The following TAF5L variants were observed in gnomAD, a reference collection of about 807,000 sequenced individuals.
TAF5L encodes TAF5-like RNA polymerase II p300/CBP-associated factor-associated factor 65 kDa subunit 5L.
A neutral mutation model predicts 51.3 loss-of-function variants in TAF5L; 7 were observed. The ratio of observed to expected loss-of-function variants is 0.14; its 90% CI spans 0.08 to 0.26. The LOEUF (loss-of-function observed/expected upper bound fraction) is 0.26, where lower values mean the gene tolerates loss of function less well. TAF5L is among the 10% of genes least tolerant of loss of function. TAF5L has a pLI of 1.00. For missense variants in TAF5L, 575 were observed against 758.9 expected (o/e 0.76, Z 2.85); for synonymous variants, 291 against 308.1 (o/e 0.94, Z 0.58).
chr1:229,604,263 A>T (rs958725164), intron 3 of TAF5L, among the ~76,000 whole-genome samples: 3 of 151,994 alleles, frequency 2.0e-5, no homozygotes, highest in Non-Finnish European at 4.4e-5. Flanking sequence ...ATTTGATGAT[A>T]AAAGATATCT....
At chr1:229,605,128 A>ATTTTT (rs1289921277) in intron 3 of TAF5L, among the ~76,000 whole-genome samples, 1 of 145,168 alleles carries the variant, frequency 6.9e-6, no homozygotes, top group African/African-American at 2.6e-5. Context: ...ATATATATGT[A>ATTTTT]TTTTTTTTTT....
At chr1:229,597,899 T>C (rs145705446) in intron 4 of TAF5L, among the ~76,000 whole-genome samples, 188 of 152,328 alleles carry the variant, frequency 1.2e-3, no homozygotes, top group African/African-American at 4.2e-3. Context: ...TCCTGGACTC[T>C]GAGGCTCCAA....
intron 3 of TAF5L, chr1:229,606,496 G>C (rs1664600784): frequency 4.1e-6 from 4 of 985,188 alleles, no homozygotes; most frequent in Non-Finnish European, 4.8e-6. Flanking sequence ...TAGTAAAAAG[G>C]ATACTAAATT....
In TAF5L at chr1:229,604,999, G is replaced by A. The variant is rs147667298; in HGVS notation, c.248-2080C>T. On this transcript the variant is annotated intron_variant, in intron 3 of 4. Coordinates refer to ENST00000258281, the Ensembl canonical transcript of TAF5L. The stretch of plus-strand genomic sequence containing the variant: ...GTCACCCAGGCTGGAGTACAGTGGC[G>A]CGATCTCGGCTCATTGCATCCTCTG... Among the ~76,000 whole-genome samples, 666 of 152,210 alleles carry A rather than the reference G, an allele frequency of 4.4e-3. 5 individuals carry two copies. Among genetic ancestry groups the A allele is most frequent in the African/African-American group, 0.015 (642 of 41,502 alleles).
intron 4 of TAF5L, among the ~76,000 whole-genome samples, chr1:229,597,357 A>T (rs966019608): frequency 1.1e-4 from 16 of 152,238 alleles, no homozygotes; most frequent in Admixed American, 4.6e-4. Context: ...ATGGGCTGGG[A>T]GTCCAGCTGG....
At chr1:229,621,963 C>G (rs757880582) in intron 1 of TAF5L, among the ~76,000 whole-genome samples, 3 of 152,070 alleles carry the variant, frequency 2.0e-5, no homozygotes, top group Non-Finnish European at 4.4e-5. Context: ...CTGGAAATCT[C>G]AACCCAAGCC....
chr1:229,595,183 A>AT, intron 4 of TAF5L, 89 bp from the exon 5 acceptor site: 1 of 1,379,136 alleles, frequency 7.3e-7, no homozygotes, highest in Non-Finnish European at 9.8e-7. Flanking sequence ...GAGAAAAAAA[A>AT]GTAGAGAACT....
chr1:229,598,225 A>AT (rs1553268967), intron 4 of TAF5L, among the ~76,000 whole-genome samples: 1 of 152,190 alleles, frequency 6.6e-6, no homozygotes, highest in Non-Finnish European at 1.5e-5. Context: ...TTCATGAATG[A>AT]TTTTTTATAT....
At position 229,603,761 on chromosome 1, in the gene TAF5L, G is replaced by A. The variant is rs1266272208; in HGVS notation, c.248-842C>T. ...AAAAGGTGTACAGCTTGAATTCATG[G>A]GTGAATGAGAAAAGAACAGAGGTAT... On this transcript the variant is annotated intron_variant, in intron 3 of 4. Transcript: ENST00000258281. 2.0e-5 allele frequency among the ~76,000 whole-genome samples: 3 copies of A among 152,288 alleles called. No homozygotes were observed. The East Asian group carries it at 5.8e-4, about 29-fold the overall frequency.
In TAF5L at chr1:229,602,482, G is replaced by C; in HGVS notation, c.685C>G (p.Pro229Ala). ...GCCTCGTTCTGCAGAATAGGGCTGGGCATGTCGGGGGGCTCCAAACCGTTG... is the reference window on the plus strand; with the variant it reads ...GCCTCGTTCTGCAGAATAGGGCTGGCCATGTCGGGGGGCTCCAAACCGTTG... Residue 229 changes from proline to alanine, a missense_variant, in exon 4 of 5, where the codon CCC (proline) becomes GCC (alanine). By Grantham distance (27) the Pro-to-Ala change is conservative. This residue lies in a region of TAF5L where 380 missense variants were observed against 443.7 expected (regional missense o/e 0.86). Transcript: ENST00000258281. This position sits in a 1 kb window ranked among gnomAD's most constrained non-coding sequence, Gnocchi z 4.6. The C allele has an allele frequency of 6.2e-7, 1 of 1,614,160 alleles. No individual in the cohort carries two copies. Among genetic ancestry groups the C allele is most frequent in the Non-Finnish European group, 8.5e-7 (1 of 1,180,012 alleles).
chr1:229,594,218 A>G lies in TAF5L; in HGVS notation c.*79T>C. On this transcript the variant is annotated 3_prime_UTR_variant, in exon 5 of 5. Transcript: ENST00000258281. This position sits in a 1 kb window ranked among gnomAD's most constrained non-coding sequence, Gnocchi z 7.9. ...GGAGGGGGCTCTTTCACAGTCAATGATTCAATCTCAGCTCATTGAAGGATT... is the reference window on the plus strand; with the variant it reads ...GGAGGGGGCTCTTTCACAGTCAATGGTTCAATCTCAGCTCATTGAAGGATT... 2 of 1,449,488 alleles carry G rather than the reference A, an allele frequency of 1.4e-6. No individual in the cohort carries two copies. The highest frequency in any genetic ancestry group is 1.9e-6 in the Non-Finnish European group (2 of 1,071,786). The allele number at this position is 1,449,488 out of a possible 1,614,324, so 89.8% of individuals were successfully genotyped here. A position where few individuals can be genotyped will look rare whatever the true frequency, so the allele number is the denominator to read the frequency against.
rs146079560 is a variant in TAF5L at position 229,594,363 on chromosome 1, G to A, written c.1704C>T (p.Ser568=). 6.8e-6 allele frequency: 11 copies of A among 1,613,966 alleles called. No individual in the cohort carries two copies. Among genetic ancestry groups the A allele is most frequent in the African/African-American group, 2.7e-5 (2 of 74,912 alleles). The change falls in exon 5 of 5, where the codon AGC becomes AGT. Residue 568 remains serine (S), a synonymous_variant. Coordinates refer to ENST00000258281, the Ensembl canonical transcript of TAF5L. The surrounding 1 kb of genome is among the most constrained non-coding windows in gnomAD (Gnocchi z 7.9). The stretch of plus-strand genomic sequence containing the variant: ...GAAGGTTACAGGCCATGAACTGCAC[G>A]CTCAGGACGTTGCTCATCTGCCCGG...
chr1:229,608,340 A>G (rs541036791), intron 3 of TAF5L, among the ~76,000 whole-genome samples: 1 of 152,334 alleles, frequency 6.6e-6, no homozygotes, highest in African/African-American at 2.4e-5. Context: ...AGTCTGTTTA[A>G]TAGTTACAAA....
chr1:229,594,161 C>T lies in TAF5L; in HGVS notation c.*136G>A, dbSNP rs1664024609. ...ACTGGGGGGCTGAGTGAAGGGGGAC[C>T]TGCCCGGAATGAGGGCCCAGGAGAG... On this transcript the variant is annotated 3_prime_UTR_variant, in exon 5 of 5. Transcript: ENST00000258281. The surrounding 1 kb of genome is among the most constrained non-coding windows in gnomAD (Gnocchi z 7.9). 1.9e-6 allele frequency: 2 copies of T among 1,053,758 alleles called. No homozygotes were observed. Among genetic ancestry groups the T allele is most frequent in the Admixed American group, 2.9e-5 (1 of 35,028 alleles). 65.3% of individuals were successfully genotyped at this position (1,053,758 alleles called of 1,614,324 possible).
Position 229,594,040 on chromosome 1 carries a change from TC to T in TAF5L, c.*256del. On this transcript the variant is annotated 3_prime_UTR_variant, in exon 5 of 5. Coordinates refer to ENST00000258281, the Ensembl canonical transcript of TAF5L. The surrounding 1 kb of genome is among the most constrained non-coding windows in gnomAD (Gnocchi z 7.9). ...GCATGCGCGAGGTCACGGCAGAGTC[TC>T]CATGAGGACTTGTGAGTGACCTCCA... The T allele has an allele frequency of 2.3e-6, 1 of 435,160 alleles. No homozygotes were observed. Among genetic ancestry groups the T allele is most frequent in the Non-Finnish European group, 4.2e-6 (1 of 235,370 alleles). The allele number at this position is 435,160 out of a possible 1,614,324, so 27.0% of individuals were successfully genotyped here. A position where few individuals can be genotyped will look rare whatever the true frequency, so the allele number is the denominator to read the frequency against.
chr1:229,602,080 T>C lies in TAF5L; in HGVS notation c.972+115A>G. 6.6e-7 allele frequency: 1 copy of C among 1,514,848 alleles called. No individual in the cohort carries two copies. The highest frequency in any genetic ancestry group is 8.8e-7 in the Non-Finnish European group (1 of 1,133,136). 93.8% of individuals were successfully genotyped at this position (1,514,848 alleles called of 1,614,324 possible). A position where few individuals can be genotyped will look rare whatever the true frequency, so the allele number is the denominator to read the frequency against. Reference sequence around the variant, plus strand: ...AGGTAACATGTCATTAGTCTGGCTTTAGCTATATGATGAGGGAAACTAGGA... The same window carrying C: ...AGGTAACATGTCATTAGTCTGGCTTCAGCTATATGATGAGGGAAACTAGGA... On this transcript the variant is annotated intron_variant, in intron 4 of 4. Coordinates refer to ENST00000258281, the Ensembl canonical transcript of TAF5L. The surrounding 1 kb of genome is among the most constrained non-coding windows in gnomAD (Gnocchi z 4.6).
chr1:229,603,232 G>T (rs1251588796), intron 3 of TAF5L, among the ~76,000 whole-genome samples: 1 of 152,198 alleles, frequency 6.6e-6, no homozygotes. Flanking sequence ...AGGTCTTCAA[G>T]ATTTAGTATT....
intron 2 of TAF5L, among the ~76,000 whole-genome samples, chr1:229,613,721 T>G (rs1664873119): frequency 6.6e-6 from 1 of 152,194 alleles, no homozygotes; most frequent in Non-Finnish European, 1.5e-5. Flanking sequence ...TGGATTTTGG[T>G]ATTCATGGAG....
At chr1:229,624,878 C>T (rs1665371415) in intron 1 of TAF5L, among the ~76,000 whole-genome samples, 1 of 152,214 alleles carries the variant, frequency 6.6e-6, no homozygotes, top group Non-Finnish European at 1.5e-5. Context: ...CCCTACATCC[C>T]CAACTCAGGT....
Sources: allele counts gnomAD v4.1 joint callset (sites outside exome capture counted in the v4.1 genomes callset), GRCh38; gene constraint gnomAD v4.1.1; regional missense constraint gnomAD v4.1.1; non-coding constraint Gnocchi (gnomAD v3.1); transcripts MANE v1.5; gene names NCBI Gene and HGNC (gene_info 2026-07-23, HGNC 2026-07-21).